RPTOR: variants seen among roughly 807,000 people sequenced by gnomAD.
The protein encoded by RPTOR is regulatory-associated protein of mTOR.
In RPTOR, 21 loss-of-function variants were observed where a neutral mutation model predicts 169.9. The ratio of observed to expected loss-of-function variants is 0.12; its 90% CI spans 0.09 to 0.18. The LOEUF (loss-of-function observed/expected upper bound fraction) is 0.18, where lower values mean the gene tolerates loss of function less well. RPTOR is among the 10% of genes least tolerant of loss of function. RPTOR has a pLI of 1.00. For missense variants in RPTOR, 1,133 were observed against 1,855.9 expected (o/e 0.61, Z 7.16); for synonymous variants, 732 against 753.2 (o/e 0.97, Z 0.46).
At chr17:80,964,203 G>GCCCC in intron 33 of RPTOR, 59 bp from the exon 34 acceptor site, 139 of 511,926 alleles carry the variant, frequency 2.7e-4, no homozygotes, top group Non-Finnish European at 4.2e-4. Flanking sequence ...GCGCCCCCCC[G>GCCCC]CCCCCCGCAG....
chr17:80,948,812 C>G (rs1161364158), intron 27 of RPTOR, among the ~76,000 whole-genome samples: 2 of 152,120 alleles, frequency 1.3e-5, no homozygotes, highest in Non-Finnish European at 2.9e-5. Context: ...ACACCCAGGC[C>G]GACCTCCCTG....
intron 6 of RPTOR, among the ~76,000 whole-genome samples, chr17:80,784,050 C>T (rs2066967163): frequency 6.6e-6 from 1 of 152,094 alleles, no homozygotes; most frequent in Non-Finnish European, 1.5e-5. Flanking sequence ...GATCATAGCT[C>T]ACTGCAGCCT....
chr17:80,776,288 G>A (rs1043651831), intron 6 of RPTOR, among the ~76,000 whole-genome samples: 1 of 148,782 alleles, frequency 6.7e-6, no homozygotes, highest in Admixed American at 6.7e-5. Flanking sequence ...GTAGGTCAAA[G>A]TATATAGCTC....
chr17:80,908,142 C>T (rs1253624631), intron 20 of RPTOR, among the ~76,000 whole-genome samples: 2 of 152,226 alleles, frequency 1.3e-5, no homozygotes, highest in Non-Finnish European at 2.9e-5. Flanking sequence ...CCTCCATGCC[C>T]ACGACTCACC....
chr17:80,898,702 C>T (rs1159430624), intron 20 of RPTOR, among the ~76,000 whole-genome samples: 1 of 131,888 alleles, frequency 7.6e-6, no homozygotes, highest in Non-Finnish European at 1.6e-5. Flanking sequence ...ACTCCCCCCG[C>T]CCCGGCTCCC....
chr17:80,791,235 C>A (rs774829379), intron 6 of RPTOR, among the ~76,000 whole-genome samples: 4 of 152,182 alleles, frequency 2.6e-5, no homozygotes, highest in East Asian at 1.9e-4. Context: ...CCTGACAACT[C>A]ACTGTGGCAG....
intron 8 of RPTOR, 92 bp downstream of exon 8, chr17:80,822,393 C>A (rs766291417): frequency 2.4e-5 from 29 of 1,225,356 alleles, no homozygotes; most frequent in Non-Finnish European, 2.6e-5. Context: ...AGATAGGATC[C>A]GTGAGTGCCT....
intron 6 of RPTOR, among the ~76,000 whole-genome samples, chr17:80,782,924 AAACAAGCTGGCTG>A (rs1371495065): frequency 6.6e-6 from 1 of 152,214 alleles, no homozygotes; most frequent in Non-Finnish European, 1.5e-5. Context: ...AAGTTGTCGC[AAACAAGCTGGCTG>A]TAAATGGGCT....
intron 1 of RPTOR, among the ~76,000 whole-genome samples, chr17:80,571,932 G>T (rs2064910943): frequency 6.6e-6 from 1 of 152,202 alleles, no homozygotes; most frequent in African/African-American, 2.4e-5. Context: ...AGGTGGTTGA[G>T]AAAAACATTT....
chr17:80,863,187 C>T (rs2067939966), intron 13 of RPTOR, among the ~76,000 whole-genome samples: 1 of 152,152 alleles, frequency 6.6e-6, no homozygotes, highest in Non-Finnish European at 1.5e-5. Flanking sequence ...ACAGTGGTGA[C>T]ACTGATCTGA....
At position 80,845,121 on chromosome 17, in the gene RPTOR, T is replaced by G. The variant is rs1403818646; in HGVS notation, c.1213-1352T>G. On this transcript the variant is annotated intron_variant, in intron 10 of 33. Transcript: ENST00000306801. The surrounding 1 kb of genome is among the most constrained non-coding windows in gnomAD (Gnocchi z 5.4). ...GTTCCGAGACCTTCCAACGGCAGCC[T>G]CCCCTGCAGCCTTCACGCTCTCCAG... Among the ~76,000 whole-genome samples the G allele has an allele frequency of 1.3e-5, 2 of 151,788 alleles. No individual in the cohort carries two copies. Among genetic ancestry groups the G allele is most frequent in the Non-Finnish European group, 2.9e-5 (2 of 67,946 alleles).
intron 5 of RPTOR, among the ~76,000 whole-genome samples, chr17:80,741,298 T>C (rs1211252407): frequency 6.6e-6 from 1 of 150,964 alleles, no homozygotes; most frequent in East Asian, 2.0e-4. Context: ...GAGTGGAGGG[T>C]GGTGCTGGTG....
rs10558917 is a variant in RPTOR at position 80,742,448 on chromosome 17, T to TAC, written c.655-11547_655-11546dup. Among the ~76,000 whole-genome samples, 306 of 150,938 alleles carry TAC rather than the reference T, an allele frequency of 2.0e-3. 1 individual carries two copies. The highest frequency in any genetic ancestry group is 6.9e-3 in the African/African-American group (283 of 41,080). Reference sequence around the variant, plus strand: ...CACAATCAAGTTTAGGAGGAGCAGGTACACACACACACACACGTATATAAG... The same window carrying TAC: ...CACAATCAAGTTTAGGAGGAGCAGGTACACACACACACACACACGTATATAAG... On this transcript the variant is annotated intron_variant, in intron 5 of 33. Transcript: ENST00000306801.
intron 3 of RPTOR, among the ~76,000 whole-genome samples, chr17:80,687,627 C>T (rs1034014810): frequency 1.3e-5 from 2 of 152,112 alleles, no homozygotes; most frequent in African/African-American, 4.8e-5. Flanking sequence ...TCGGTGTCTG[C>T]GTGGAGAAAT....
chr17:80,747,071 G>A (rs1038173809), intron 5 of RPTOR, among the ~76,000 whole-genome samples: 12 of 152,146 alleles, frequency 7.9e-5, no homozygotes, highest in African/African-American at 2.7e-4. Flanking sequence ...ACAAAAATTC[G>A]CTGGGTGTGG....
At chr17:80,698,551 G>A (rs180778657) in intron 3 of RPTOR, among the ~76,000 whole-genome samples, 48 of 152,266 alleles carry the variant, frequency 3.2e-4, no homozygotes, top group Admixed American at 1.2e-3. Context: ...AGTTACGTGG[G>A]GGCACCTTCC....
intron 11 of RPTOR, among the ~76,000 whole-genome samples, chr17:80,853,092 C>G (rs2067811345): frequency 6.6e-6 from 1 of 152,200 alleles, no homozygotes. Flanking sequence ...CGACTTCCAG[C>G]CTCTTGCCAG....
At chr17:80,688,393 A>G (rs1360135832) in intron 3 of RPTOR, among the ~76,000 whole-genome samples, 2 of 152,150 alleles carry the variant, frequency 1.3e-5, no homozygotes, top group African/African-American at 4.8e-5. Context: ...TCATCCCTCA[A>G]CCGTTTCTCT....
At chr17:80,682,050 C>G (rs530679496) in intron 3 of RPTOR, among the ~76,000 whole-genome samples, 1 of 151,178 alleles carries the variant, frequency 6.6e-6, no homozygotes, top group African/African-American at 2.4e-5. Flanking sequence ...AGATTAGCCA[C>G]ATCATATTTT....
Sources: gnomAD v4.1 joint callset for allele counts (sites outside exome capture counted in the v4.1 genomes callset) on GRCh38, gnomAD v4.1.1 for gene constraint, Gnocchi (gnomAD v3.1) non-coding constraint, MANE v1.5 for transcripts, NCBI Gene and HGNC (gene_info 2026-07-23, HGNC 2026-07-21) for gene names.